RABEP1: variants seen among roughly 807,000 people sequenced by gnomAD.
The protein encoded by RABEP1 is rab GTPase-binding effector protein 1.
A neutral mutation model predicts 123.4 loss-of-function variants in RABEP1; 51 were observed. That is an observed-to-expected ratio of 0.41 (90% CI 0.33 to 0.52). The LOEUF (loss-of-function observed/expected upper bound fraction) is 0.52, where lower values mean the gene tolerates loss of function less well. Ranked by LOEUF, RABEP1 falls within the 20% of genes least tolerant of loss-of-function variation. The pLI, the probability that RABEP1 is intolerant of heterozygous loss-of-function variation, is 0.16. For synonymous variants in RABEP1, 347 were observed against 355.2 expected (o/e 0.98, Z 0.26); for missense variants, 888 against 996.3 (o/e 0.89, Z 1.46).
chr17:5,294,402 C>T (rs2144468804), intron 1 of RABEP1, among the ~76,000 whole-genome samples: 1 of 151,812 alleles, frequency 6.6e-6, no homozygotes, highest in South Asian at 2.1e-4. Flanking sequence ...ACCAATAAAA[C>T]AATAAGAATA....
At chr17:5,330,082 A>T (rs1483803643) in intron 2 of RABEP1, among the ~76,000 whole-genome samples, 1 of 152,158 alleles carries the variant, frequency 6.6e-6, no homozygotes, top group African/African-American at 2.4e-5. Context: ...AAAAATGAAT[A>T]AAGTATCCCA....
At chr17:5,376,361 G>A (rs946945115) in intron 13 of RABEP1, among the ~76,000 whole-genome samples, 1 of 152,186 alleles carries the variant, frequency 6.6e-6, no homozygotes, top group Non-Finnish European at 1.5e-5. Flanking sequence ...AAGAATCCTT[G>A]AAGAATGTAG....
At chr17:5,323,426 A>T (rs1177794591) in intron 2 of RABEP1, among the ~76,000 whole-genome samples, 3 of 152,166 alleles carry the variant, frequency 2.0e-5, no homozygotes, top group Non-Finnish European at 4.4e-5. Flanking sequence ...TTGTTCACAG[A>T]TGACACAGTC....
At position 5,365,160 on chromosome 17, in the gene RABEP1, C is replaced by A; in HGVS notation, c.1707C>A (p.Asp569Glu). The A allele has an allele frequency of 1.9e-6, 3 of 1,609,950 alleles. No individual in the cohort carries two copies. Among genetic ancestry groups the A allele is most frequent in the Non-Finnish European group, 2.5e-6 (3 of 1,178,554 alleles). The stretch of plus-strand genomic sequence containing the variant: ...AGCTGATGCTAAGGCAAGCTAATGA[C>A]CAGTTAGAGAAGACAATGAAAGATA... Reference protein sequence around the residue: ...KLQLMLRQANDQLEKTMKDKQ... With the variant: ...KLQLMLRQANEQLEKTMKDKQ... The change falls in exon 11 of 18, where the codon GAC (aspartate) becomes GAA (glutamate). Residue 569 changes from aspartate (D) to glutamate (E), a missense_variant. Physicochemically the swap from Asp to Glu is conservative, Grantham distance 45. Transcript: ENST00000537505.
intron 13 of RABEP1, among the ~76,000 whole-genome samples, chr17:5,374,019 A>G (rs1164023728): frequency 6.6e-6 from 1 of 152,138 alleles, no homozygotes; most frequent in East Asian, 1.9e-4. Flanking sequence ...TTTTGTATCT[A>G]GTACTTGAAA....
In RABEP1 at chr17:5,310,565, G is replaced by A. The variant is rs754216092; in HGVS notation, c.163+1743G>A. Among the ~76,000 whole-genome samples, 23 of 151,902 alleles carry A rather than the reference G, an allele frequency of 1.5e-4. No individual in the cohort carries two copies. The East Asian group carries it at 4.1e-3, about 27-fold the overall frequency. Reference sequence around the variant, plus strand: ...AAACTCCTGACCTTGTGATCCGCCCGCTTCGGCCTCCCAAAGTGCTGGGTG... The same window carrying A: ...AAACTCCTGACCTTGTGATCCGCCCACTTCGGCCTCCCAAAGTGCTGGGTG... On this transcript the variant is annotated intron_variant, in intron 2 of 17. Transcript: ENST00000537505.
chr17:5,295,286 G>C (rs1238848049), intron 1 of RABEP1, among the ~76,000 whole-genome samples: 1 of 151,716 alleles, frequency 6.6e-6, no homozygotes, highest in Admixed American at 6.6e-5. Context: ...ATTTGAGAGA[G>C]GCTTAGGCAG....
At chr17:5,301,600 C>T (rs2075135512) in intron 1 of RABEP1, among the ~76,000 whole-genome samples, 1 of 152,126 alleles carries the variant, frequency 6.6e-6, no homozygotes, top group Non-Finnish European at 1.5e-5. Context: ...TAGAACTAAG[C>T]AATGTGCTTA....
chr17:5,307,885 T>A (rs2075195258), intron 1 of RABEP1, among the ~76,000 whole-genome samples: 1 of 152,074 alleles, frequency 6.6e-6, no homozygotes, highest in Non-Finnish European at 1.5e-5. Flanking sequence ...TATGAATGGG[T>A]TTTTGATTAT....
chr17:5,294,633 CTTTTTTTTTT>C (rs1185209680), intron 1 of RABEP1, among the ~76,000 whole-genome samples: 138 of 53,012 alleles, frequency 2.6e-3, no homozygotes, highest in Non-Finnish European at 3.7e-3. Flanking sequence ...ACGGTATTGT[CTTTTTTTTTT>C]TTTTTTTTTT....
intron 2 of RABEP1, among the ~76,000 whole-genome samples, chr17:5,318,027 T>C (rs1320863077): frequency 6.6e-6 from 1 of 152,220 alleles, no homozygotes; most frequent in Non-Finnish European, 1.5e-5. Flanking sequence ...TGCCTTGTCC[T>C]GTGCACCTTT....
chr17:5,381,669 G>T, intron 17 of RABEP1, 164 bp downstream of exon 17: 5 of 1,271,426 alleles, frequency 3.9e-6, no homozygotes, highest in African/African-American at 1.5e-5. Flanking sequence ...GAAACCTGGT[G>T]TGTTCTTCAC....
At chr17:5,335,662 C>G (rs1907005260) in intron 4 of RABEP1, among the ~76,000 whole-genome samples, 1 of 152,156 alleles carries the variant, frequency 6.6e-6, no homozygotes, top group Admixed American at 6.6e-5. Context: ...TTTTCTCTTT[C>G]CATAGCACAT....
chr17:5,380,266 G>A, intron 15 of RABEP1, 98 bp from the exon 16 acceptor site: 2 of 733,442 alleles, frequency 2.7e-6, no homozygotes, highest in Non-Finnish European at 4.4e-6. Flanking sequence ...TGTAGCCCGA[G>A]TGTCTTGGTG....
In RABEP1 at chr17:5,383,524, A is replaced by G. The variant is rs1438225826; in HGVS notation, c.*301A>G. ...TTTCCTTGCCTGCTTTCTCCAAGACAGATTTTCGGAACACATTTCCCTACC... is the reference window on the plus strand; with the variant it reads ...TTTCCTTGCCTGCTTTCTCCAAGACGGATTTTCGGAACACATTTCCCTACC... On this transcript the variant is annotated 3_prime_UTR_variant, in exon 18 of 18. Coordinates refer to ENST00000537505, the MANE Select transcript of RABEP1 (RefSeq NM_004703.6). 7 of 364,594 alleles carry G rather than the reference A, an allele frequency of 1.9e-5. No individual in the cohort carries two copies. The highest frequency in any genetic ancestry group is 3.1e-5 in the Non-Finnish European group (6 of 196,590). The allele number at this position is 364,594 out of a possible 1,614,324, so 22.6% of individuals were successfully genotyped here.
chr17:5,362,386 C>T (rs1168632941), intron 9 of RABEP1, among the ~76,000 whole-genome samples: 3 of 152,200 alleles, frequency 2.0e-5, no homozygotes, highest in Non-Finnish European at 4.4e-5. Flanking sequence ...AGTCGCAAAA[C>T]CTGACTCCTG....
chr17:5,305,614 A>G (rs1403153666), intron 1 of RABEP1, among the ~76,000 whole-genome samples: 1 of 152,100 alleles, frequency 6.6e-6, no homozygotes, highest in African/African-American at 2.4e-5. Context: ...ATAAGAACAG[A>G]GGGATTTTGG....
intron 2 of RABEP1, among the ~76,000 whole-genome samples, chr17:5,326,988 C>G (rs768763379): frequency 1.3e-5 from 2 of 152,186 alleles, no homozygotes; most frequent in Non-Finnish European, 2.9e-5. Context: ...AACTGAAAAG[C>G]TGTACAGCAC....
chr17:5,380,285 C>T (rs1195297010), intron 15 of RABEP1, 79 bp from the exon 16 acceptor site: 3 of 942,944 alleles, frequency 3.2e-6, no homozygotes, highest in Non-Finnish European at 4.7e-6. Flanking sequence ...TGTAATTCTC[C>T]AGGCTCTAGG....
Sources: gnomAD v4.1 joint callset for allele counts (sites outside exome capture counted in the v4.1 genomes callset) on GRCh38, gnomAD v4.1.1 for gene constraint, MANE v1.5 for transcripts, NCBI Gene and HGNC (gene_info 2026-07-23, HGNC 2026-07-21) for gene names.